Variants in CACHD1 observed in about 807,000 individuals in gnomAD.
CACHD1 encodes cache domain containing 1.
Under a neutral mutation model 138.7 loss-of-function variants are expected in CACHD1, and 71 were observed. The observed-to-expected ratio is 0.51, with a 90% confidence interval of 0.42 to 0.62. The LOEUF (loss-of-function observed/expected upper bound fraction) is 0.62, where lower values mean the gene tolerates loss of function less well. Among genes scored for constraint, CACHD1 ranks in the 20% least tolerant of loss-of-function variants. The pLI is 0.00. For missense variants in CACHD1, 1,389 were observed against 1,625.3 expected, an observed-to-expected ratio of 0.85 and a Z score of 2.50; for synonymous variants, 578 against 591.5, an observed-to-expected ratio of 0.98 and a Z score of 0.33.
At chr1:64,607,668 A>G (rs1647382774) in intron 4 of CACHD1, among the ~76,000 whole-genome samples, 1 of 152,186 alleles carries the variant, frequency 6.6e-6, no homozygotes, top group Non-Finnish European at 1.5e-5. Context: ...TAGGTAAGAG[A>G]TACTGCATCA....
intron 1 of CACHD1, among the ~76,000 whole-genome samples, chr1:64,543,351 T>A (rs1646691633): frequency 6.7e-6 from 1 of 148,194 alleles, no homozygotes. Context: ...AGGCAAGAAG[T>A]TTGAGACCAA....
At chr1:64,517,822 C>A (rs903680242) in intron 1 of CACHD1, among the ~76,000 whole-genome samples, 2 of 152,182 alleles carry the variant, frequency 1.3e-5, no homozygotes, top group Non-Finnish European at 2.9e-5. Context: ...ATTAGCTTAA[C>A]CTTTTACACT....
At chr1:64,684,490 T>C (rs567552852) in intron 26 of CACHD1, among the ~76,000 whole-genome samples, 1 of 149,866 alleles carries the variant, frequency 6.7e-6, no homozygotes, top group East Asian at 2.0e-4. Flanking sequence ...CAAAAGGAAA[T>C]ATTTTTGCAC....
intron 1 of CACHD1, among the ~76,000 whole-genome samples, chr1:64,547,841 G>T (rs772751219): frequency 1.3e-5 from 2 of 152,142 alleles, no homozygotes; most frequent in Non-Finnish European, 2.9e-5. Flanking sequence ...TTTTGCTTTG[G>T]TGATAGCCCC....
At chr1:64,552,557 T>A (rs1646767342) in intron 2 of CACHD1, among the ~76,000 whole-genome samples, 1 of 151,632 alleles carries the variant, frequency 6.6e-6, no homozygotes, top group African/African-American at 2.4e-5. Context: ...GCATCCTTTA[T>A]CTTCCAGGCT....
chr1:64,506,448 A>T (rs1646377790), intron 1 of CACHD1: 1 of 152,192 alleles, frequency 6.6e-6, no homozygotes, highest in Admixed American at 6.5e-5. Flanking sequence ...CAAACAGTTT[A>T]TGTGTATTAC....
chr1:64,681,541 G>GTTTTTTTTTTTTTTTTT (rs57993424), intron 25 of CACHD1, among the ~76,000 whole-genome samples: 24 of 68,134 alleles, frequency 3.5e-4, no homozygotes, highest in African/African-American at 7.3e-4. Flanking sequence ...ATTTTATTGT[G>GTTTTTTTTTTTTTTTTT]TTTTTTTTTT....
chr1:64,646,254 G>A (rs965551904), intron 8 of CACHD1, among the ~76,000 whole-genome samples: 5 of 152,238 alleles, frequency 3.3e-5, no homozygotes, highest in South Asian at 4.1e-4. Flanking sequence ...GGTACCAATC[G>A]TGTCTTTGGT....
At chr1:64,591,598 A>G (rs1489123589) in intron 3 of CACHD1, among the ~76,000 whole-genome samples, 1 of 152,218 alleles carries the variant, frequency 6.6e-6, no homozygotes, top group Non-Finnish European at 1.5e-5. Context: ...TGCTTGAATG[A>G]GGGAATTAAT....
chr1:64,645,094 C>G (rs1648859764), intron 8 of CACHD1, among the ~76,000 whole-genome samples: 1 of 151,794 alleles, frequency 6.6e-6, no homozygotes, highest in African/African-American at 2.4e-5. Flanking sequence ...GATACTCTGT[C>G]TCAAAAAATA....
chr1:64,532,719 G>A (rs1312210559), intron 1 of CACHD1, among the ~76,000 whole-genome samples: 1 of 152,174 alleles, frequency 6.6e-6, no homozygotes, highest in Non-Finnish European at 1.5e-5. Flanking sequence ...TCATTGGTAA[G>A]CCATTGGAGA....
intron 5 of CACHD1, among the ~76,000 whole-genome samples, chr1:64,631,768 C>T (rs962642845): frequency 2.6e-5 from 4 of 152,112 alleles, no homozygotes; most frequent in African/African-American, 9.7e-5. Flanking sequence ...GCCCCCAACC[C>T]CCTTTTTTTC....
At chr1:64,566,479 TCCC>T (rs34760107) in intron 2 of CACHD1, among the ~76,000 whole-genome samples, 1 of 120,748 alleles carries the variant, frequency 8.3e-6, no homozygotes, top group South Asian at 2.9e-4. Context: ...TGTTTTCAAT[TCCC>T]CCCCCCCCAC....
intron 1 of CACHD1, chr1:64,505,903 C>G (rs926694370): frequency 3.8e-5 from 3 of 78,192 alleles, no homozygotes; most frequent in African/African-American, 1.2e-4. Flanking sequence ...CCCCGGCCGC[C>G]CGCTTGTCTC....
chr1:64,624,624 G>A (rs144735473), intron 4 of CACHD1, among the ~76,000 whole-genome samples: 36 of 152,258 alleles, frequency 2.4e-4, no homozygotes, highest in Admixed American at 3.9e-4. Flanking sequence ...GCAGAGAGGC[G>A]AGAAGACAGG....
At chr1:64,622,733 T>G (rs1221745837) in intron 4 of CACHD1, among the ~76,000 whole-genome samples, 2 of 152,216 alleles carry the variant, frequency 1.3e-5, no homozygotes, top group Admixed American at 6.5e-5. Context: ...TAGTTCTGCA[T>G]CTATAAAATA....
intron 3 of CACHD1, among the ~76,000 whole-genome samples, chr1:64,594,648 A>G (rs1474861577): frequency 6.6e-6 from 1 of 152,218 alleles, no homozygotes; most frequent in Non-Finnish European, 1.5e-5. Flanking sequence ...TGAAGGAAGA[A>G]TGGGAAACCT....
chr1:64,604,942 C>T (rs1376068432), intron 4 of CACHD1, among the ~76,000 whole-genome samples: 9 of 147,226 alleles, frequency 6.1e-5, no homozygotes, highest in South Asian at 2.2e-4. Context: ...TGAGCCACCT[C>T]GCCTAGGCTT....
At chr1:64,561,860 A>AT (rs1405276658) in intron 2 of CACHD1, among the ~76,000 whole-genome samples, 1 of 149,108 alleles carries the variant, frequency 6.7e-6, no homozygotes, top group Non-Finnish European at 1.5e-5. Context: ...ACTGTCTCCA[A>AT]AAAAAAAAAA....
Sources: gnomAD v4.1 joint callset for allele counts (sites outside exome capture counted in the v4.1 genomes callset) on GRCh38, gnomAD v4.1.1 for gene constraint, MANE v1.5 for transcripts, NCBI Gene and HGNC (gene_info 2026-07-23, HGNC 2026-07-21) for gene names.